CDH4: variants seen among roughly 807,000 people sequenced by gnomAD.
The protein encoded by CDH4 is cadherin-4.
CDH4 carries 33 observed loss-of-function variants against 86.0 expected under a neutral mutation model. That is an observed-to-expected ratio of 0.38 (90% CI 0.29 to 0.51). CDH4 has a LOEUF of 0.51. Ranked by LOEUF, CDH4 falls within the 20% of genes least tolerant of loss-of-function variation. The probability of loss-of-function intolerance (pLI) is 0.86; values close to 1 mark genes in which losing one functional copy is unlikely to be tolerated. For missense variants in CDH4, 1,114 were observed against 1,307.4 expected (o/e 0.85, Z 2.28); for synonymous variants, 555 against 549.4 (o/e 1.01, Z -0.14).
At chr20:61,733,579 T>C (rs6061338) in intron 2 of CDH4, among the ~76,000 whole-genome samples, 127,504 of 151,972 alleles carry the variant, frequency 0.84, 54,182 homozygotes, top group East Asian at 1. Flanking sequence ...CTACATGCCA[T>C]GTGGGCTGAC....
chr20:61,752,480 C>G (rs1001711503), intron 3 of CDH4, among the ~76,000 whole-genome samples: 5 of 152,056 alleles, frequency 3.3e-5, no homozygotes, highest in African/African-American at 1.2e-4. Flanking sequence ...GACAGCAATT[C>G]AGAATTACTA....
chr20:61,689,204 G>T (rs183569009), intron 2 of CDH4, among the ~76,000 whole-genome samples: 184 of 151,536 alleles, frequency 1.2e-3, no homozygotes, highest in African/African-American at 4.4e-3. Context: ...GACAGTGGTT[G>T]GTGAGGTGAT....
At chr20:61,755,390 G>A (rs62204624) in intron 3 of CDH4, among the ~76,000 whole-genome samples, 32 of 97,982 alleles carry the variant, frequency 3.3e-4, no homozygotes, top group African/African-American at 1.2e-3. Context: ...ACACACACAC[G>A]CCCCATGCAC....
intron 2 of CDH4, among the ~76,000 whole-genome samples, chr20:61,291,225 T>A (rs1467848859): frequency 1.3e-5 from 2 of 152,220 alleles, no homozygotes; most frequent in African/African-American, 2.4e-5. Flanking sequence ...CCAAAAGATA[T>A]GTGCACCCAG....
chr20:61,541,607 G>A (rs6061278), intron 2 of CDH4, among the ~76,000 whole-genome samples: 8,005 of 152,196 alleles, frequency 0.053, 716 homozygotes, highest in African/African-American at 0.18. Context: ...TCATGTTCCC[G>A]TGATCTCCTG....
intron 2 of CDH4, among the ~76,000 whole-genome samples, chr20:61,598,670 G>C (rs1266113911): frequency 6.6e-6 from 1 of 152,196 alleles, no homozygotes; most frequent in Non-Finnish European, 1.5e-5. Context: ...TGTAGAACGG[G>C]GACTTTGCCG....
At chr20:61,671,421 A>G (rs1415963603) in intron 2 of CDH4, among the ~76,000 whole-genome samples, 1 of 152,204 alleles carries the variant, frequency 6.6e-6, no homozygotes, top group South Asian at 2.1e-4. Context: ...GCTTGAGCCC[A>G]GAAGTTCAAG....
intron 6 of CDH4, among the ~76,000 whole-genome samples, chr20:61,857,945 CTCTGTGTCTGTGTGTG>C (rs71195409): frequency 0.12 from 17,606 of 150,228 alleles, 1,193 homozygotes; most frequent in South Asian, 0.23. Context: ...GTCTGTGTGT[CTCTGTGTCTGTGTGTG>C]TCTCTGTGTG....
At chr20:61,825,736 G>A (rs1046967449) in intron 4 of CDH4, among the ~76,000 whole-genome samples, 1 of 152,194 alleles carries the variant, frequency 6.6e-6, no homozygotes, top group East Asian at 1.9e-4. Context: ...CCAAGGCATT[G>A]CTGTTACATG....
intron 2 of CDH4, among the ~76,000 whole-genome samples, chr20:61,368,390 C>T (rs992166008): frequency 2.0e-5 from 3 of 152,144 alleles, no homozygotes; most frequent in Non-Finnish European, 2.9e-5. Context: ...GCACCCCATC[C>T]GCCAGGTGAG....
rs576942062 is a variant in CDH4 at position 61,841,262 on chromosome 20, A to G, written c.577-3406A>G. ...TACTCATCAGGCCTCGGAGAAGCGC[A>G]GCGCTCCCGGACGGCGGGGCTGGTG... On this transcript the variant is annotated intron_variant, in intron 4 of 15. Transcript: ENST00000614565. Among the ~76,000 whole-genome samples the G allele has an allele frequency of 3.3e-5, 5 of 152,324 alleles. No homozygotes were observed. The East Asian group carries it at 9.7e-4, about 29-fold the overall frequency.
At chr20:61,368,772 C>T (rs2084824030) in intron 2 of CDH4, among the ~76,000 whole-genome samples, 1 of 152,106 alleles carries the variant, frequency 6.6e-6, no homozygotes, top group Non-Finnish European at 1.5e-5. Flanking sequence ...CTGCCTTGGC[C>T]TCCCAAAGTG....
In CDH4 at chr20:61,882,342, G is replaced by A. The variant is rs540516294; in HGVS notation, c.1050+8442G>A. ...ATTTCATCTGTGCCCTCAGCGGCAC[G>A]GCCCCTTTGGTGGTCAGATCCAGGG... On this transcript the variant is annotated intron_variant, in intron 7 of 15. Coordinates refer to ENST00000614565, the MANE Select transcript of CDH4 (RefSeq NM_001794.5). Among the ~76,000 whole-genome samples the A allele has an allele frequency of 5.9e-5, 9 of 152,394 alleles. 1 individual carries two copies. In the South Asian group the frequency reaches 1.4e-3, roughly 25 times the overall value.
intron 3 of CDH4, among the ~76,000 whole-genome samples, chr20:61,750,397 A>G (rs1568794668): frequency 1.3e-5 from 2 of 152,228 alleles, no homozygotes; most frequent in African/African-American, 4.8e-5. Context: ...AATAGTGTAG[A>G]AATATACACC....
intron 4 of CDH4, among the ~76,000 whole-genome samples, chr20:61,836,348 A>G (rs1362918832): frequency 2.0e-5 from 3 of 152,210 alleles, no homozygotes; most frequent in Non-Finnish European, 4.4e-5. Flanking sequence ...ATTTTTGAGA[A>G]GGAGCTAATT....
chr20:61,847,875 G>T (rs982792936), intron 5 of CDH4, among the ~76,000 whole-genome samples: 3 of 152,144 alleles, frequency 2.0e-5, no homozygotes, highest in Non-Finnish European at 4.4e-5. Flanking sequence ...GTTACCACAA[G>T]GGCAGCACTG....
rs1309967047 is a variant in CDH4, at chr20:61,518,760, T to C, written c.170-224803T>C. 1.3e-5 allele frequency among the ~76,000 whole-genome samples: 2 copies of C among 151,382 alleles called. No homozygotes were observed. The highest frequency in any genetic ancestry group is 4.9e-5 in the African/African-American group (2 of 41,126). On this transcript the variant is annotated intron_variant, in intron 2 of 15. Transcript: ENST00000614565. The surrounding 1 kb of genome is among the most constrained non-coding windows in gnomAD (Gnocchi z 6.3). ...ATCCATTCATCCATCCATTCGTACA[T>C]CCACCCATCATCCATCCTTTCATCC...
chr20:61,340,574 T>A (rs2084644589), intron 2 of CDH4, among the ~76,000 whole-genome samples: 1 of 151,950 alleles, frequency 6.6e-6, no homozygotes, highest in Non-Finnish European at 1.5e-5. Flanking sequence ...GTTTGTTTCT[T>A]TTATTTATAT....
At chr20:61,302,456 G>C (rs118021741) in intron 2 of CDH4, among the ~76,000 whole-genome samples, 1,555 of 151,564 alleles carry the variant, frequency 0.01, 15 homozygotes, top group Middle Eastern at 0.024. Context: ...CATCCAGGAT[G>C]TTTCCTGTAT....
Sources: allele counts gnomAD v4.1 joint callset (sites outside exome capture counted in the v4.1 genomes callset), GRCh38; gene constraint gnomAD v4.1.1; non-coding constraint Gnocchi (gnomAD v3.1); transcripts MANE v1.5; gene names NCBI Gene and HGNC (gene_info 2026-07-23, HGNC 2026-07-21).